The following PGLYRP3 variants were observed in gnomAD, a reference collection of about 807,000 sequenced individuals.
The protein encoded by PGLYRP3 is peptidoglycan recognition protein 3, also known as peptidoglycan recognition protein I alpha.
Under a neutral mutation model 36.0 loss-of-function variants are expected in PGLYRP3, and 39 were observed. The ratio of observed to expected loss-of-function variants is 1.08; its 90% confidence interval spans 0.84 to 1.41. PGLYRP3 has a LOEUF of 1.41. PGLYRP3 is among the 40% of genes most tolerant of loss of function. The probability of loss-of-function intolerance (pLI) is 0.00; values close to 1 mark genes in which losing one functional copy is unlikely to be tolerated. For missense variants in PGLYRP3, 407 were observed against 427.9 expected, an observed-to-expected ratio of 0.95 and a Z score of 0.43; for synonymous variants, 204 against 172.8, an observed-to-expected ratio of 1.18 and a Z score of -1.42.
In PGLYRP3 at chr1:153,297,930, C is replaced by A. The variant is rs369326865; in HGVS notation, c.*26G>T. 2.2e-5 allele frequency: 36 copies of A among 1,607,146 alleles called. No individual in the cohort carries two copies. In the African/African-American group the frequency reaches 3.9e-4, roughly 17 times the overall value. On this transcript the variant is annotated 3_prime_UTR_variant, in exon 8 of 8. Coordinates refer to ENST00000683862, the MANE Select transcript of PGLYRP3 (RefSeq NM_052891.3). ...GAGAGACCCAGCAGGGGAGGGAGGG[C>A]AGTCTCAAAGGGAGTGGGGCCTCCT...
At chr1:153,310,538 T>C in intron 2 of PGLYRP3, 73 bp downstream of exon 2, 1 of 1,489,092 alleles carries the variant, frequency 6.7e-7, no homozygotes, top group South Asian at 1.1e-5. Flanking sequence ...CGGATGGGTT[T>C]CTATTATTAA....
At chr1:153,299,909 C>T (rs1189732525) in intron 6 of PGLYRP3, among the ~76,000 whole-genome samples, 1 of 152,178 alleles carries the variant, frequency 6.6e-6, no homozygotes, top group African/African-American at 2.4e-5. Context: ...CTTTCTAGAC[C>T]AACTGCCACG....
At position 153,305,800 on chromosome 1, in the gene PGLYRP3, T is replaced by C. The variant is rs751911817; in HGVS notation, c.258-735A>G. 2.0e-5 allele frequency among the ~76,000 whole-genome samples: 3 copies of C among 152,336 alleles called. 1 individual carries two copies. The highest frequency in any genetic ancestry group is 4.4e-5 in the Non-Finnish European group (3 of 68,028). On this transcript the variant is annotated intron_variant, in intron 3 of 7. Coordinates refer to ENST00000683862, the MANE Select transcript of PGLYRP3 (RefSeq NM_052891.3). ...CCTACACCGATGTCGACATGAGGAA[T>C]GGGTGTGGAGCCTGGTGTGTCCACC...
intron 6 of PGLYRP3, among the ~76,000 whole-genome samples, chr1:153,301,385 G>A (rs1659593991): frequency 6.6e-6 from 1 of 152,342 alleles, no homozygotes; most frequent in East Asian, 1.9e-4. Flanking sequence ...AGGGTTACAG[G>A]TGACATATCA....
chr1:153,307,791 G>T (rs1345211057), intron 2 of PGLYRP3, among the ~76,000 whole-genome samples: 1 of 152,108 alleles, frequency 6.6e-6, no homozygotes, highest in Non-Finnish European at 1.5e-5. Flanking sequence ...TAAACACGGG[G>T]TCTGCACCTC....
At chr1:153,299,664 G>A (rs897515782) in intron 6 of PGLYRP3, among the ~76,000 whole-genome samples, 7 of 152,042 alleles carry the variant, frequency 4.6e-5, no homozygotes, top group Admixed American at 6.5e-5. Flanking sequence ...GTGCTCCTCC[G>A]CACTCTAGTC....
intron 5 of PGLYRP3, 67 bp downstream of exon 5, chr1:153,303,790 C>A: frequency 6.6e-7 from 1 of 1,525,134 alleles, no homozygotes; most frequent in South Asian, 1.3e-5. Context: ...AAAGCACTCC[C>A]AAACATGACT....
At chr1:153,303,734 G>T in intron 5 of PGLYRP3, 123 bp downstream of exon 5, 1 of 1,144,060 alleles carries the variant, frequency 8.7e-7, no homozygotes, top group Non-Finnish European at 1.2e-6. Flanking sequence ...CTCAAAGTAG[G>T]CATGAGATGT....
chr1:153,302,236 A>G (rs1452783823), intron 6 of PGLYRP3, among the ~76,000 whole-genome samples, 173 bp downstream of exon 6: 1 of 152,242 alleles, frequency 6.6e-6, no homozygotes, highest in African/African-American at 2.4e-5. Context: ...GTAACTGACC[A>G]TTAGCTATGC....
chr1:153,304,958 C>T lies in PGLYRP3; in HGVS notation c.365G>A (p.Gly122Asp), dbSNP rs1410963450. 1.2e-6 allele frequency: 2 copies of T among 1,612,884 alleles called. No homozygotes were observed. Among genetic ancestry groups the T allele is most frequent in the East Asian group, 2.2e-5 (1 of 44,834 alleles). The change falls in exon 4 of 8, where the codon GGC becomes GAC. Residue 122 changes from glycine to aspartate, a missense_variant. Gly to Asp is a moderately conservative substitution (Grantham distance 94, BLOSUM62 -1). Transcript: ENST00000683862. The part of the protein sequence containing the change: ...NNISLGIAFF[G>D]NKIGSSPSPA... Reference sequence around the variant, plus strand: ...GGAGTGACCCTTACCTATCTTATTGCCAAAGAAGGCGATGCCCAGGGAAAT... The same window carrying T: ...GGAGTGACCCTTACCTATCTTATTGTCAAAGAAGGCGATGCCCAGGGAAAT...
Position 153,299,185 on chromosome 1 carries a change from G to A in PGLYRP3, c.775C>T (p.His259Tyr). The change falls in exon 7 of 8, where the codon CAC becomes TAC. Residue 259 changes from histidine (H) to tyrosine (Y), a missense_variant. By Grantham distance (83) the His-to-Tyr change is moderately conservative. Coordinates refer to ENST00000683862, the MANE Select transcript of PGLYRP3 (RefSeq NM_052891.3). Reference sequence around the variant, plus strand: ...CCATAAGTGTGAGAGCCTTGGATGTGCCATCCAACCCCTTCATACACGCCA... The same window carrying A: ...CCATAAGTGTGAGAGCCTTGGATGTACCATCCAACCCCTTCATACACGCCA... ...DGGVYEGVGW[H>Y]IQGSHTYGFN... The A allele has an allele frequency of 6.2e-7, 1 of 1,614,016 alleles. No individual in the cohort carries two copies. Among genetic ancestry groups the A allele is most frequent in the East Asian group, 2.2e-5 (1 of 44,876 alleles).
At position 153,298,103 on chromosome 1, in the gene PGLYRP3, C is replaced by T. The variant is rs750203950; in HGVS notation, c.879G>A (p.Ala293=). 9.3e-6 allele frequency: 15 copies of T among 1,613,850 alleles called. No individual in the cohort carries two copies. The highest frequency in any genetic ancestry group is 4.5e-5 in the East Asian group (2 of 44,874). ...EKPPNAAALE[A]AQDLIQCAVV... is the part of the protein sequence containing the mutation. ...CGGCACACTGGATCAGGTCCTGGGC[C>T]GCCTCCAGCGCTGCAGCATTTGGAG... Residue 293 remains alanine (A), a synonymous_variant, in exon 8 of 8, where the codon GCG becomes GCA. Coordinates refer to ENST00000683862, the MANE Select transcript of PGLYRP3 (RefSeq NM_052891.3).
chr1:153,305,373 G>C (rs1240186052), intron 3 of PGLYRP3, among the ~76,000 whole-genome samples: 1 of 152,182 alleles, frequency 6.6e-6, no homozygotes, highest in Non-Finnish European at 1.5e-5. Context: ...TGCTTTTCAA[G>C]AGCTTAAAAA....
chr1:153,312,502 A>C (rs1659918917), intron 1 of PGLYRP3, among the ~76,000 whole-genome samples, 141 bp downstream of exon 1: 1 of 152,152 alleles, frequency 6.6e-6, no homozygotes, highest in African/African-American at 2.4e-5. Flanking sequence ...ATTTGGAGAA[A>C]GAGTTCCAAA....
chr1:153,304,144 G>T, intron 4 of PGLYRP3, 135 bp from the exon 5 acceptor site: 2 of 802,538 alleles, frequency 2.5e-6, no homozygotes, highest in Non-Finnish European at 3.8e-6. Flanking sequence ...CCAGTTGCCA[G>T]AACAGAGTGC....
At chr1:153,309,107 G>A (rs1659833299) in intron 2 of PGLYRP3, among the ~76,000 whole-genome samples, 1 of 152,138 alleles carries the variant, frequency 6.6e-6, no homozygotes, top group Non-Finnish European at 1.5e-5. Context: ...TTTTACTGTG[G>A]ATTAGCCACT....
In PGLYRP3 at chr1:153,302,517, A is replaced by T; in HGVS notation, c.620T>A (p.Ile207Asn). ...AGTGCAGCTTGTGCCAGCGGTGTGG[A>T]TGATGATGACATATTTGGCTGGGAG... ...MNLPAKYVII[I>N]HTAGTSCTVS... Residue 207 changes from isoleucine to asparagine, a missense_variant, in exon 6 of 8, where the codon ATC becomes AAC. Transcript: ENST00000683862. The T allele has an allele frequency of 6.2e-7, 1 of 1,614,192 alleles. No individual in the cohort carries two copies. Among genetic ancestry groups the T allele is most frequent in the Non-Finnish European group, 8.5e-7 (1 of 1,180,024 alleles).
At chr1:153,307,371 A>C in intron 2 of PGLYRP3, 104 bp from the exon 3 acceptor site, 3 of 1,110,580 alleles carry the variant, frequency 2.7e-6, no homozygotes, top group Non-Finnish European at 3.9e-6. Context: ...GACCTGCCCC[A>C]TGCATGGGAG....
intron 2 of PGLYRP3, among the ~76,000 whole-genome samples, chr1:153,309,287 G>T (rs922461404): frequency 5.4e-4 from 82 of 152,292 alleles, no homozygotes; most frequent in African/African-American, 1.9e-3. Flanking sequence ...ACAACTTCAT[G>T]AGTTAAGCAA....
Sources: allele counts gnomAD v4.1 joint callset (sites outside exome capture counted in the v4.1 genomes callset), GRCh38; gene constraint gnomAD v4.1.1; transcripts MANE v1.5; gene names NCBI Gene and HGNC (gene_info 2026-07-23, HGNC 2026-07-21).